Variants in CHSY3 observed in about 807,000 individuals in gnomAD.
CHSY3 encodes the protein N-acetylgalactosaminyl-proteoglycan 3-beta-glucuronosyltransferase 3.
Under a neutral mutation model 67.2 loss-of-function variants are expected in CHSY3, and 35 were observed. The observed-to-expected ratio is 0.52, with a 90% CI of 0.40 to 0.69. The LOEUF (loss-of-function observed/expected upper bound fraction) is 0.69, where lower values mean the gene tolerates loss of function less well. Among genes scored for constraint, CHSY3 ranks in the 30% least tolerant of loss-of-function variants. CHSY3 has a pLI of 0.00. For synonymous variants in CHSY3, 474 were observed against 434.7 expected, an observed-to-expected ratio of 1.09 and a Z score of -1.12; for missense variants, 1,069 against 1,138.5, an observed-to-expected ratio of 0.94 and a Z score of 0.88.
intron 2 of CHSY3, among the ~76,000 whole-genome samples, chr5:130,058,722 A>G: frequency 6.6e-6 from 1 of 152,256 alleles, no homozygotes; most frequent in East Asian, 1.9e-4. Context: ...TGTGGCTGTC[A>G]TATTACCACA....
At position 129,905,642 on chromosome 5, in the gene CHSY3, T is replaced by G. The variant is rs1760254336; in HGVS notation, c.802+11T>G. ...ATGTCTACATCAAAGGTGACCTCCC[T>G]GCGCCGGCTTTCCAGCCTGCCAGTC... On this transcript the variant is annotated intron_variant, in intron 1 of 2. Coordinates refer to ENST00000305031, the MANE Select transcript of CHSY3 (RefSeq NM_175856.5). The G allele has an allele frequency of 6.2e-7, 1 of 1,609,660 alleles. No individual in the cohort carries two copies. The highest frequency in any genetic ancestry group is 8.5e-7 in the Non-Finnish European group (1 of 1,177,494).
At chr5:130,037,849 G>C (rs971634617) in intron 2 of CHSY3, among the ~76,000 whole-genome samples, 5 of 152,042 alleles carry the variant, frequency 3.3e-5, no homozygotes, top group African/African-American at 1.2e-4. Context: ...GCAGCCATTT[G>C]ATCACATATA....
chr5:130,089,396 TA>T (rs1004179505), intron 2 of CHSY3, among the ~76,000 whole-genome samples: 7 of 151,822 alleles, frequency 4.6e-5, no homozygotes, highest in Middle Eastern at 3.4e-3. Context: ...AAATTAAAAA[TA>T]AAAAAATTTA....
intron 2 of CHSY3, among the ~76,000 whole-genome samples, chr5:130,046,185 T>C (rs1765142441): frequency 6.6e-6 from 1 of 152,156 alleles, no homozygotes; most frequent in Non-Finnish European, 1.5e-5. Flanking sequence ...ATGCTGCTTT[T>C]GGAATTTAGA....
chr5:129,962,594 C>T (rs1762363172), intron 2 of CHSY3, among the ~76,000 whole-genome samples: 1 of 152,060 alleles, frequency 6.6e-6, no homozygotes, highest in South Asian at 2.1e-4. Context: ...TTTCTGTAGC[C>T]CATGAGATCC....
Position 130,087,884 on chromosome 5 carries a change from A to G in CHSY3, c.1087-96345A>G, listed in dbSNP as rs1388842846. The stretch of plus-strand genomic sequence containing the variant: ...AAAAACTACTTTAAAGTTCATATGG[A>G]ACCAAAAAAGAGCCCACATCGCCAA... On this transcript the variant is annotated intron_variant, in intron 2 of 2. Transcript: ENST00000305031. Among the ~76,000 whole-genome samples the G allele has an allele frequency of 3.3e-5, 5 of 151,390 alleles. No individual in the cohort carries two copies. The South Asian group carries it at 1.0e-3, about 32-fold the overall frequency.
chr5:130,127,139 A>T (rs542039608), intron 2 of CHSY3, among the ~76,000 whole-genome samples: 1 of 152,320 alleles, frequency 6.6e-6, no homozygotes, highest in East Asian at 1.9e-4. Context: ...TTATCAATAT[A>T]CTGTAATGGA....
chr5:129,991,848 C>T (rs1205388903), intron 2 of CHSY3, among the ~76,000 whole-genome samples: 10 of 152,062 alleles, frequency 6.6e-5, no homozygotes, highest in East Asian at 1.9e-4. Flanking sequence ...AAAGAAAATA[C>T]GACAATTAAT....
intron 2 of CHSY3, among the ~76,000 whole-genome samples, chr5:130,076,828 T>C (rs1170898491): frequency 6.6e-6 from 1 of 151,838 alleles, no homozygotes; most frequent in Non-Finnish European, 1.5e-5. Context: ...ATCATCATTC[T>C]CAGTAAACTA....
At chr5:130,136,366 G>A (rs1768661785) in intron 2 of CHSY3, among the ~76,000 whole-genome samples, 3 of 152,150 alleles carry the variant, frequency 2.0e-5, no homozygotes, top group Admixed American at 1.3e-4. Flanking sequence ...ATGGATGGTT[G>A]CAAAGAAACC....
At chr5:130,010,049 C>G (rs534597167) in intron 2 of CHSY3, among the ~76,000 whole-genome samples, 1 of 152,224 alleles carries the variant, frequency 6.6e-6, no homozygotes, top group Admixed American at 6.5e-5. Context: ...GAAACTGTAA[C>G]ACCCCACTGA....
intron 2 of CHSY3, among the ~76,000 whole-genome samples, chr5:130,007,528 G>A (rs1763908763): frequency 1.3e-5 from 2 of 152,086 alleles, no homozygotes; most frequent in Non-Finnish European, 2.9e-5. Context: ...CTGGAGAAGG[G>A]GTGAGTTAAA....
Position 130,120,486 on chromosome 5 carries a change from GAAAAA to G in CHSY3, c.1087-63725_1087-63721del, listed in dbSNP as rs34727574. On this transcript the variant is annotated intron_variant, in intron 2 of 2. Coordinates refer to ENST00000305031, the MANE Select transcript of CHSY3 (RefSeq NM_175856.5). ...AAAGGTGGCATGCCAATTTCTGAAA[GAAAAA>G]AAAAAAAAAAAAAAAAAGACAAAAT... Among the ~76,000 whole-genome samples the G allele has an allele frequency of 4.6e-3, 442 of 95,834 alleles. 1 individual carries two copies. Among genetic ancestry groups the G allele is most frequent in the South Asian group, 0.018 (53 of 3,002 alleles). 62.9% of individuals were successfully genotyped at this position (95,834 alleles called of 152,430 possible).
At chr5:130,179,275 T>C (rs1003702244) in intron 2 of CHSY3, among the ~76,000 whole-genome samples, 4 of 152,190 alleles carry the variant, frequency 2.6e-5, no homozygotes, top group Non-Finnish European at 4.4e-5. Flanking sequence ...GATACTATAC[T>C]CCTTTTATTT....
chr5:130,005,437 A>T (rs1338322399), intron 2 of CHSY3, among the ~76,000 whole-genome samples: 5 of 152,126 alleles, frequency 3.3e-5, no homozygotes, highest in African/African-American at 1.2e-4. Flanking sequence ...CAACAAAAAA[A>T]AAAACACGTT....
chr5:129,938,865 T>C (rs2149593203), intron 2 of CHSY3, among the ~76,000 whole-genome samples: 1 of 152,348 alleles, frequency 6.6e-6, no homozygotes, highest in African/African-American at 2.4e-5. Context: ...CCCTGCAGCC[T>C]GTTCCAGCCT....
intron 2 of CHSY3, chr5:130,140,429 G>C: frequency 1.1e-6 from 1 of 945,670 alleles, no homozygotes. Context: ...ACCTACCTTG[G>C]AAAGACTGTT....
intron 2 of CHSY3, among the ~76,000 whole-genome samples, chr5:129,945,765 A>T (rs1056597899): frequency 1.3e-5 from 2 of 152,212 alleles, no homozygotes; most frequent in African/African-American, 4.8e-5. Context: ...GGTAGGGCAT[A>T]TAAAAATGTT....
chr5:130,005,363 C>T (rs1340081909), intron 2 of CHSY3, among the ~76,000 whole-genome samples: 2 of 151,578 alleles, frequency 1.3e-5, no homozygotes, highest in East Asian at 3.9e-4. Flanking sequence ...TGCAGTGAGC[C>T]GAGATTGCGC....
Sources: gnomAD v4.1 joint callset for allele counts (sites outside exome capture counted in the v4.1 genomes callset) on GRCh38, gnomAD v4.1.1 for gene constraint, MANE v1.5 for transcripts, NCBI Gene and HGNC (gene_info 2026-07-23, HGNC 2026-07-21) for gene names.